Variants in CAMTA1 observed in about 807,000 individuals in gnomAD.
The protein encoded by CAMTA1 is calmodulin-binding transcription activator 1.
CAMTA1 carries 27 observed loss-of-function variants against 170.9 expected under a neutral mutation model. The ratio of observed to expected loss-of-function variants is 0.16; its 90% CI spans 0.12 to 0.22. The LOEUF is 0.22. Among genes scored for constraint, CAMTA1 ranks in the 10% least tolerant of loss-of-function variants. CAMTA1 has a pLI of 1.00. For synonymous variants in CAMTA1, 833 were observed against 891.5 expected (o/e 0.93, Z 1.17); for missense variants, 1,619 against 2,217.2 (o/e 0.73, Z 5.42).
At chr1:7,375,798 T>C (rs1405938238) in intron 5 of CAMTA1, among the ~76,000 whole-genome samples, 1 of 152,250 alleles carries the variant, frequency 6.6e-6, no homozygotes, top group African/African-American at 2.4e-5. Flanking sequence ...TAAAGGCCTT[T>C]CCATTAATTA....
intron 6 of CAMTA1, among the ~76,000 whole-genome samples, chr1:7,475,038 C>T (rs573277843): frequency 7.2e-5 from 11 of 152,344 alleles, no homozygotes; most frequent in African/African-American, 2.2e-4. Flanking sequence ...CCTCTCCACC[C>T]GGATGAGCTG....
intron 3 of CAMTA1, among the ~76,000 whole-genome samples, chr1:7,040,309 G>C (rs908052363): frequency 6.6e-6 from 1 of 152,114 alleles, no homozygotes; most frequent in Non-Finnish European, 1.5e-5. Flanking sequence ...TAAATAATTT[G>C]TGTACTGTAA....
rs535147808 is a variant in CAMTA1, at chr1:7,532,156, G to A, written c.510+64255G>A. The stretch of plus-strand genomic sequence containing the variant: ...CCCGGGCCCACCCGAGCCCTAAGCT[G>A]CAGCCCTTGGGACGTCTCCATTGAG... On this transcript the variant is annotated intron_variant, in intron 6 of 22. Transcript: ENST00000303635. The surrounding 1 kb of genome is among the most constrained non-coding windows in gnomAD (Gnocchi z 4.2). Among the ~76,000 whole-genome samples the A allele has an allele frequency of 1.3e-5, 2 of 152,166 alleles. No homozygotes were observed. The highest frequency in any genetic ancestry group is 2.9e-5 in the Non-Finnish European group (2 of 68,024).
intron 3 of CAMTA1, among the ~76,000 whole-genome samples, chr1:6,860,138 AT>A (rs1470080602): frequency 1.3e-5 from 2 of 151,898 alleles, no homozygotes; most frequent in African/African-American, 4.8e-5. Flanking sequence ...AGTCATCTGT[AT>A]TTCAGTCTTA....
rs1401432382 is a variant in CAMTA1 at position 7,570,050 on chromosome 1, ATGGCTT to A, written c.511-70348_511-70343del. Among the ~76,000 whole-genome samples, 1 of 152,220 alleles carries A rather than the reference ATGGCTT, an allele frequency of 6.6e-6. No homozygotes were observed. The highest frequency in any genetic ancestry group is 1.5e-5 in the Non-Finnish European group (1 of 68,038). On this transcript the variant is annotated intron_variant, in intron 6 of 22. Transcript: ENST00000303635. The surrounding 1 kb of genome is among the most constrained non-coding windows in gnomAD (Gnocchi z 4.3). The stretch of plus-strand genomic sequence containing the variant: ...TTATTAAAGACTGTATCAATTTAAA[ATGGCTT>A]TTGCTTTGATCATTAGGGGTCCTGG...
At chr1:7,507,864 G>T (rs767018380) in intron 6 of CAMTA1, among the ~76,000 whole-genome samples, 1 of 152,216 alleles carries the variant, frequency 6.6e-6, no homozygotes, top group African/African-American at 2.4e-5. Flanking sequence ...GGTCTTCCCA[G>T]CTGGGCACTC....
chr1:7,661,004 C>T lies in CAMTA1; in HGVS notation c.665-722C>T, dbSNP rs114315288. On this transcript the variant is annotated intron_variant, in intron 7 of 22. Transcript: ENST00000303635. ...ATCCTGCCAGGCAGGTGGGGAAACC[C>T]CAATCCCAACTCCAGGAACTGCAAA... Among the ~76,000 whole-genome samples, 211 of 152,356 alleles carry T rather than the reference C, an allele frequency of 1.4e-3. 1 individual carries two copies. The highest frequency in any genetic ancestry group is 5.0e-3 in the African/African-American group (208 of 41,584).
rs531832708 is a variant in CAMTA1, at chr1:7,685,427, A to C, written c.2914+7694A>C. On this transcript the variant is annotated intron_variant, in intron 11 of 22. Coordinates refer to ENST00000303635, the MANE Select transcript of CAMTA1 (RefSeq NM_015215.4). This position sits in a 1 kb window ranked among gnomAD's most constrained non-coding sequence, Gnocchi z 5.7. ...CCAGCTTGGCTCCTGCCGAGACCAC[A>C]GCACATCCCTGTGGACCCCACGGCC... Among the ~76,000 whole-genome samples the C allele has an allele frequency of 3.7e-4, 56 of 152,222 alleles. No homozygotes were observed. The highest frequency in any genetic ancestry group is 7.1e-4 in the Non-Finnish European group (48 of 67,996).
chr1:7,498,578 T>C (rs1027726392), intron 6 of CAMTA1, among the ~76,000 whole-genome samples: 4 of 152,094 alleles, frequency 2.6e-5, no homozygotes, highest in African/African-American at 9.7e-5. Context: ...TGTATATGCA[T>C]GTGCATGTGT....
At chr1:7,599,372 G>T (rs1271486438) in intron 6 of CAMTA1, among the ~76,000 whole-genome samples, 1 of 152,200 alleles carries the variant, frequency 6.6e-6, no homozygotes, top group African/African-American at 2.4e-5. Flanking sequence ...GTCAGGTAGC[G>T]TGATGCCTCC....
In CAMTA1 at chr1:7,198,362, C is replaced by T. The variant is rs372417193; in HGVS notation, c.303-51129C>T. Reference sequence around the variant, plus strand: ...CCCGACCTGTCACTGGTCCTGACCCCAACTCTTCTGGAATCACGTGGTGTG... The same window carrying T: ...CCCGACCTGTCACTGGTCCTGACCCTAACTCTTCTGGAATCACGTGGTGTG... On this transcript the variant is annotated intron_variant, in intron 4 of 22. Coordinates refer to ENST00000303635, the MANE Select transcript of CAMTA1 (RefSeq NM_015215.4). Among the ~76,000 whole-genome samples, 12 of 152,080 alleles carry T rather than the reference C, an allele frequency of 7.9e-5. No individual in the cohort carries two copies. The South Asian group carries it at 2.3e-3, about 29-fold the overall frequency.
intron 5 of CAMTA1, among the ~76,000 whole-genome samples, chr1:7,414,119 G>T (rs2090986751): frequency 6.6e-6 from 1 of 152,320 alleles, no homozygotes; most frequent in East Asian, 1.9e-4. Context: ...ACTTGATCAT[G>T]GTGGATAAGC....
At chr1:7,705,350 G>A (rs2096504066) in intron 11 of CAMTA1, among the ~76,000 whole-genome samples, 1 of 151,382 alleles carries the variant, frequency 6.6e-6, no homozygotes, top group Admixed American at 6.6e-5. Flanking sequence ...TGTCTGGAGT[G>A]GCCGAGGGCG....
intron 3 of CAMTA1, among the ~76,000 whole-genome samples, chr1:6,989,582 G>C (rs1005024656): frequency 2.0e-5 from 3 of 152,138 alleles, no homozygotes; most frequent in African/African-American, 7.2e-5. Context: ...CAAGGTATCT[G>C]CTCTGTTATT....
chr1:7,024,828 C>T (rs889601395), intron 3 of CAMTA1, among the ~76,000 whole-genome samples: 3 of 152,208 alleles, frequency 2.0e-5, no homozygotes, highest in African/African-American at 7.2e-5. Flanking sequence ...TTCCTCACTC[C>T]GAAAATAACT....
intron 5 of CAMTA1, among the ~76,000 whole-genome samples, chr1:7,266,884 G>A (rs1157704233): frequency 6.6e-6 from 1 of 152,188 alleles, no homozygotes; most frequent in East Asian, 1.9e-4. Context: ...GACAAGGAGG[G>A]GGCGCGGTGG....
Position 7,091,623 on chromosome 1 carries a change from G to A in CAMTA1, c.302+252G>A, listed in dbSNP as rs555994338. On this transcript the variant is annotated intron_variant, in intron 4 of 22. Transcript: ENST00000303635. ...AACCTGACGGCTGCATCCTTCAGCC[G>A]GGTGCTTGGAAGGCTTCACAGGCAG... 7.4e-4 allele frequency among the ~76,000 whole-genome samples: 112 copies of A among 152,308 alleles called. 1 individual carries two copies. Among genetic ancestry groups the A allele is most frequent in the Non-Finnish European group, 2.9e-5 (2 of 68,026 alleles).
intron 4 of CAMTA1, among the ~76,000 whole-genome samples, chr1:7,107,282 G>GTGT (rs1471486810): frequency 6.6e-6 from 1 of 150,464 alleles, no homozygotes; most frequent in Non-Finnish European, 1.5e-5. Flanking sequence ...GTGTGCATGT[G>GTGT]TGTGTGTGTG....
Position 7,562,955 on chromosome 1 carries a change from G to C in CAMTA1, c.511-77445G>C, listed in dbSNP as rs1435273368. Among the ~76,000 whole-genome samples, 5 of 152,202 alleles carry C rather than the reference G, an allele frequency of 3.3e-5. No homozygotes were observed. Among genetic ancestry groups the C allele is most frequent in the Non-Finnish European group, 7.3e-5 (5 of 68,040 alleles). Reference sequence around the variant, plus strand: ...CCCACCCCAGCTGGTCCTTGAATCTGGATTTGGTTGGGGGCTGTGAGGCCC... The same window carrying C: ...CCCACCCCAGCTGGTCCTTGAATCTCGATTTGGTTGGGGGCTGTGAGGCCC... On this transcript the variant is annotated intron_variant, in intron 6 of 22. Coordinates refer to ENST00000303635, the MANE Select transcript of CAMTA1 (RefSeq NM_015215.4). The surrounding 1 kb of genome is among the most constrained non-coding windows in gnomAD (Gnocchi z 4.8).
Sources: gnomAD v4.1 joint callset for allele counts (sites outside exome capture counted in the v4.1 genomes callset) on GRCh38, gnomAD v4.1.1 for gene constraint, Gnocchi (gnomAD v3.1) non-coding constraint, MANE v1.5 for transcripts, NCBI Gene and HGNC (gene_info 2026-07-23, HGNC 2026-07-21) for gene names.